LZTFL1: variants seen among roughly 807,000 people sequenced by gnomAD.
The protein encoded by LZTFL1 is leucine zipper transcription factor-like protein 1.
LZTFL1 carries 25 observed loss-of-function variants against 45.9 expected under a neutral mutation model. The observed-to-expected ratio is 0.54, with a 90% CI of 0.40 to 0.76. The LOEUF is 0.76. Ranked by LOEUF, LZTFL1 falls within the 30% of genes least tolerant of loss-of-function variation. The pLI, the probability that LZTFL1 is intolerant of heterozygous loss-of-function variation, is 0.00. For missense variants in LZTFL1, 277 were observed against 331.1 expected (o/e 0.84, Z 1.27); for synonymous variants, 93 against 117.4 (o/e 0.79, Z 1.35).
In LZTFL1 at chr3:45,824,333, A is replaced by T. The variant is rs1232800408; in HGVS notation, c.*1981T>A. 2.0e-5 allele frequency: 3 copies of T among 152,148 alleles called. No homozygotes were observed. The highest frequency in any genetic ancestry group is 4.4e-5 in the Non-Finnish European group (3 of 68,100). 9.4% of individuals were successfully genotyped at this position (152,148 alleles called of 1,614,324 possible). Reference sequence around the variant, plus strand: ...AACTACTAAAAACAATAAAAATTTAAAACTGTATTTTGCTAAAGGGTATAG... The same window carrying T: ...AACTACTAAAAACAATAAAAATTTATAACTGTATTTTGCTAAAGGGTATAG... On this transcript the variant is annotated 3_prime_UTR_variant, in exon 10 of 10. Coordinates refer to ENST00000296135, the MANE Select transcript of LZTFL1 (RefSeq NM_020347.4).
chr3:45,874,895 G>A (rs755741939), intron 2 of LZTFL1, among the ~76,000 whole-genome samples: 64 of 152,198 alleles, frequency 4.2e-4, no homozygotes, highest in Non-Finnish European at 4.1e-4. Flanking sequence ...TGGGAGGCAC[G>A]TGGACCAGTG....
intron 2 of LZTFL1, chr3:45,886,438 C>A (rs1701983088): frequency 6.6e-6 from 1 of 152,254 alleles, no homozygotes; most frequent in African/African-American, 2.4e-5. Flanking sequence ...TTGCTGGAAG[C>A]TACACAGGTG....
chr3:45,869,957 C>A (rs1413192904), intron 2 of LZTFL1, among the ~76,000 whole-genome samples: 1 of 152,256 alleles, frequency 6.6e-6, no homozygotes, highest in Non-Finnish European at 1.5e-5. Context: ...TACTCGAGTT[C>A]CCATGACATC....
intron 2 of LZTFL1, among the ~76,000 whole-genome samples, chr3:45,860,855 T>C (rs1375176199): frequency 6.6e-6 from 1 of 152,196 alleles, no homozygotes; most frequent in Non-Finnish European, 1.5e-5. Flanking sequence ...TCTTTTCCCA[T>C]CTTAATTTTA....
At chr3:45,909,777 C>T (rs1702757381) in intron 2 of LZTFL1, among the ~76,000 whole-genome samples, 1 of 152,184 alleles carries the variant, frequency 6.6e-6, no homozygotes, top group Non-Finnish European at 1.5e-5. Context: ...GGGGTAATCT[C>T]CAGGTGGCTC....
Position 45,899,308 on chromosome 3 carries a change from G to A in LZTFL1, c.-215+13812C>T, listed in dbSNP as rs149285238. ...ACCATTAGTGTTCCACCTAAAACAT[G>A]GTTTGGGAAATGCTAGACAGATCTA... is the stretch of plus-strand genomic sequence containing the variant. On this transcript the variant is annotated intron_variant, in intron 2 of 4. Transcript: ENST00000472635. Among the ~76,000 whole-genome samples, 596 of 152,300 alleles carry A rather than the reference G, an allele frequency of 3.9e-3. 4 individuals carry two copies. Among genetic ancestry groups the A allele is most frequent in the African/African-American group, 0.014 (584 of 41,556 alleles).
intron 5 of LZTFL1, 103 bp from the exon 6 acceptor site, chr3:45,831,241 A>T (rs1700807262): frequency 1.5e-6 from 1 of 665,034 alleles, no homozygotes; most frequent in East Asian, 2.8e-5. Flanking sequence ...TTTAAATTAC[A>T]TAATAGCTCA....
intron 2 of LZTFL1, among the ~76,000 whole-genome samples, chr3:45,885,513 A>G (rs562122997): frequency 1.9e-4 from 29 of 152,226 alleles, no homozygotes; most frequent in Middle Eastern, 3.4e-3. Context: ...ATTTGCCCCA[A>G]TTTGAAGGTG....
upstream of LZTFL1, among the ~76,000 whole-genome samples, chr3:45,845,861 G>A (rs988020538): frequency 3.3e-5 from 5 of 152,188 alleles, no homozygotes; most frequent in African/African-American, 4.8e-5. Context: ...TTCATGACTG[G>A]AAGTTTTCTC....
intron 2 of LZTFL1, chr3:45,895,053 G>C: frequency 7.9e-7 from 1 of 1,267,588 alleles, no homozygotes; most frequent in Admixed American, 1.7e-5. Context: ...GGATTTATCT[G>C]TGTGGTTTCC....
At chr3:45,913,249 G>A (rs1267449522) in intron 1 of LZTFL1, 2 of 1,099,650 alleles carry the variant, frequency 1.8e-6, no homozygotes. Flanking sequence ...GTGCTGCAAT[G>A]AGCTGATCTT....
upstream of LZTFL1, among the ~76,000 whole-genome samples, chr3:45,842,548 G>A (rs759771431): frequency 1.3e-5 from 2 of 152,072 alleles, no homozygotes; most frequent in African/African-American, 2.4e-5. Context: ...ACCAATGCCA[G>A]CAGGTTCTCA....
upstream of LZTFL1, among the ~76,000 whole-genome samples, chr3:45,846,945 A>C (rs563398980): frequency 2.6e-5 from 4 of 152,322 alleles, no homozygotes; most frequent in East Asian, 5.8e-4. Context: ...TGCCTGCATA[A>C]TAGAAGGGTC....
intron 7 of LZTFL1, among the ~76,000 whole-genome samples, chr3:45,830,612 A>T (rs1320689261): frequency 1.3e-5 from 2 of 152,182 alleles, no homozygotes; most frequent in Non-Finnish European, 2.9e-5. Flanking sequence ...AATATCTTGC[A>T]TACCAGGAAG....
At chr3:45,891,443 A>G (rs1263953762) in intron 2 of LZTFL1, among the ~76,000 whole-genome samples, 2 of 152,068 alleles carry the variant, frequency 1.3e-5, no homozygotes, top group African/African-American at 4.8e-5. Flanking sequence ...TTCTCTCTAT[A>G]TACATATGTT....
rs78101735 is a variant in LZTFL1 at position 45,848,408 on chromosome 3, G to A, written c.-49+6578C>T. On this transcript the variant is annotated intron_variant, in intron 4 of 4. Transcript: ENST00000472635. ...ACTGGGAGTACTTCCAGCATCATTA[G>A]TGACACTTTGTATGGATCCCATGAT... Among the ~76,000 whole-genome samples the A allele has an allele frequency of 4.6e-5, 7 of 152,298 alleles. No individual in the cohort carries two copies. The East Asian group carries it at 9.6e-4, about 21-fold the overall frequency.
chr3:45,900,732 G>A lies in LZTFL1; in HGVS notation c.-215+12388C>T. The A allele has an allele frequency of 6.8e-7, 1 of 1,461,840 alleles. No homozygotes were observed. Among genetic ancestry groups the A allele is most frequent in the South Asian group, 1.3e-5 (1 of 76,120 alleles). The allele number at this position is 1,461,840 out of a possible 1,614,324, so 90.6% of individuals were successfully genotyped here. ...AGGTGTTTGGGGTTGGAAGGGTCAA[G>A]AGGTCCATGCCTCTGCCATCAGACA... On this transcript the variant is annotated intron_variant, in intron 2 of 4. Coordinates refer to the LZTFL1 transcript ENST00000472635. The surrounding 1 kb of genome is among the most constrained non-coding windows in gnomAD (Gnocchi z 4.7).
At chr3:45,845,632 C>T (rs796072568), upstream of LZTFL1, among the ~76,000 whole-genome samples, 29 of 152,288 alleles carry the variant, frequency 1.9e-4, no homozygotes, top group African/African-American at 6.5e-4. Flanking sequence ...GATGGAGCAC[C>T]TTTAAGAGTG....
chr3:45,866,723 C>A (rs1701583181), intron 2 of LZTFL1, among the ~76,000 whole-genome samples: 2 of 152,108 alleles, frequency 1.3e-5, no homozygotes, highest in Non-Finnish European at 2.9e-5. Context: ...TCAATATAAC[C>A]AATAGTGCTG....
Sources: allele counts gnomAD v4.1 joint callset (sites outside exome capture counted in the v4.1 genomes callset), GRCh38; gene constraint gnomAD v4.1.1; non-coding constraint Gnocchi (gnomAD v3.1); transcripts MANE v1.5; gene names NCBI Gene and HGNC (gene_info 2026-07-23, HGNC 2026-07-21).